Variants in CTNND2 observed in about 807,000 individuals in gnomAD.
CTNND2 encodes the protein catenin delta 2.
Under a neutral mutation model 144.4 loss-of-function variants are expected in CTNND2, and 22 were observed. The observed-to-expected ratio is 0.15, with a 90% CI of 0.11 to 0.22. CTNND2 has a LOEUF of 0.22. CTNND2 is among the 10% of genes least tolerant of loss of function. CTNND2 has a pLI of 1.00. For synonymous variants in CTNND2, 751 were observed against 695.6 expected, an observed-to-expected ratio of 1.08 and a Z score of -1.25; for missense variants, 1,353 against 1,618.8, an observed-to-expected ratio of 0.84 and a Z score of 2.82.
intron 16 of CTNND2, among the ~76,000 whole-genome samples, chr5:11,049,876 G>A (rs1347344729): frequency 2.6e-5 from 4 of 152,232 alleles, no homozygotes; most frequent in Non-Finnish European, 1.5e-5. Context: ...CAAGCAATTC[G>A]CTGTCTTAGT....
intron 11 of CTNND2, among the ~76,000 whole-genome samples, chr5:11,164,069 T>C (rs1272306768): frequency 6.6e-6 from 1 of 152,086 alleles, no homozygotes; most frequent in Non-Finnish European, 1.5e-5. Context: ...CTGCATCGCA[T>C]TCCTTGGCTT....
chr5:11,752,759 T>A (rs1425239267), intron 1 of CTNND2, among the ~76,000 whole-genome samples: 1 of 151,914 alleles, frequency 6.6e-6, no homozygotes, highest in African/African-American at 2.4e-5. Context: ...ATTCAATCTA[T>A]AAGTTGCTTT....
intron 9 of CTNND2, among the ~76,000 whole-genome samples, chr5:11,334,347 T>C (rs1753521174): frequency 1.3e-5 from 2 of 152,218 alleles, no homozygotes; most frequent in Non-Finnish European, 2.9e-5. Context: ...CACGTGAGTA[T>C]CTTAAGGTAA....
intron 12 of CTNND2, among the ~76,000 whole-genome samples, chr5:11,156,398 T>C (rs1250093409): frequency 3.3e-5 from 5 of 152,178 alleles, no homozygotes; most frequent in African/African-American, 1.2e-4. Flanking sequence ...AGAGTAATGA[T>C]TTTCAATAAT....
intron 2 of CTNND2, among the ~76,000 whole-genome samples, chr5:11,694,475 A>C (rs547898377): frequency 1.3e-5 from 2 of 152,192 alleles, no homozygotes; most frequent in African/African-American, 4.8e-5. Flanking sequence ...AACCAAACTG[A>C]AATGTGGCAC....
At chr5:11,705,934 A>G (rs970677810) in intron 2 of CTNND2, among the ~76,000 whole-genome samples, 2 of 152,164 alleles carry the variant, frequency 1.3e-5, no homozygotes, top group African/African-American at 2.4e-5. Context: ...GACTCACTCT[A>G]GAGACTCCCC....
At chr5:11,864,803 C>T (rs1054237211) in intron 1 of CTNND2, among the ~76,000 whole-genome samples, 2 of 151,532 alleles carry the variant, frequency 1.3e-5, no homozygotes, top group Non-Finnish European at 2.9e-5. Flanking sequence ...GGTGGCAAAA[C>T]TGTCTCCACT....
intron 2 of CTNND2, among the ~76,000 whole-genome samples, chr5:11,644,663 G>A (rs1461738518): frequency 5.2e-5 from 7 of 135,746 alleles, no homozygotes; most frequent in African/African-American, 2.0e-4. Context: ...GAAAGAACAA[G>A]ACTCCATCTC....
chr5:11,677,148 T>A (rs765929215), intron 2 of CTNND2, among the ~76,000 whole-genome samples: 1 of 152,200 alleles, frequency 6.6e-6, no homozygotes. Context: ...GCAAACCAAC[T>A]TAAGAGTCTA....
chr5:11,861,469 C>T (rs12655621), intron 1 of CTNND2, among the ~76,000 whole-genome samples: 32,413 of 152,176 alleles, frequency 0.21, 4,087 homozygotes, highest in Non-Finnish European at 0.28. Context: ...ATACTCCATC[C>T]AATCTGTCAG....
chr5:10,991,950 C>T (rs1738724515), intron 19 of CTNND2, among the ~76,000 whole-genome samples: 1 of 152,260 alleles, frequency 6.6e-6, no homozygotes, highest in African/African-American at 2.4e-5. Context: ...CGGAGTCTCA[C>T]TCTGTCACCC....
intron 9 of CTNND2, among the ~76,000 whole-genome samples, chr5:11,250,491 CTA>C (rs1285130441): frequency 0.013 from 814 of 64,092 alleles, 9 homozygotes; most frequent in African/African-American, 0.033. Context: ...CTCTCTCTCT[CTA>C]TATATATATA....
At chr5:11,222,213 A>T (rs1471300077) in intron 10 of CTNND2, among the ~76,000 whole-genome samples, 4 of 152,120 alleles carry the variant, frequency 2.6e-5, no homozygotes, top group Admixed American at 6.5e-5. Flanking sequence ...AATAGAAGGG[A>T]AGCATGGCCC....
intron 9 of CTNND2, among the ~76,000 whole-genome samples, chr5:11,327,632 A>G (rs1244843690): frequency 6.6e-6 from 1 of 152,216 alleles, no homozygotes; most frequent in Non-Finnish European, 1.5e-5. Context: ...TGTTATAATT[A>G]CAAGCAGATT....
intron 2 of CTNND2, among the ~76,000 whole-genome samples, chr5:11,687,435 T>C (rs1784706256): frequency 6.6e-6 from 1 of 152,210 alleles, no homozygotes; most frequent in Non-Finnish European, 1.5e-5. Flanking sequence ...ATTAAGTATG[T>C]GGGTTCCAGC....
chr5:11,081,086 A>ACACACACACACT (rs1554039105), intron 16 of CTNND2, among the ~76,000 whole-genome samples: 6 of 148,512 alleles, frequency 4.0e-5, no homozygotes, highest in South Asian at 2.2e-4. Flanking sequence ...ACACACACAC[A>ACACACACACACT]CACACACACA....
At chr5:11,073,724 A>G (rs1429089404) in intron 16 of CTNND2, among the ~76,000 whole-genome samples, 1 of 152,206 alleles carries the variant, frequency 6.6e-6, no homozygotes, top group East Asian at 1.9e-4. Context: ...TCTGGGGTTT[A>G]GGAGATGGGA....
At chr5:11,038,175 T>C (rs977094997) in intron 16 of CTNND2, among the ~76,000 whole-genome samples, 1 of 152,152 alleles carries the variant, frequency 6.6e-6, no homozygotes, top group African/African-American at 2.4e-5. Context: ...GCTTGGTTCA[T>C]GTTGTGTAGC....
intron 3 of CTNND2, among the ~76,000 whole-genome samples, chr5:11,505,213 C>G (rs781663060): frequency 6.7e-6 from 1 of 148,464 alleles, no homozygotes; most frequent in African/African-American, 2.5e-5. Flanking sequence ...AAAAAAAAGT[C>G]GAGAAAGTCT....
Sources: gnomAD v4.1 joint callset for allele counts (sites outside exome capture counted in the v4.1 genomes callset) on GRCh38, gnomAD v4.1.1 for gene constraint, MANE v1.5 for transcripts, NCBI Gene and HGNC (gene_info 2026-07-23, HGNC 2026-07-21) for gene names.